DOCK7: variants seen among roughly 807,000 people sequenced by gnomAD.
DOCK7 encodes dedicator of cytokinesis 7.
In DOCK7, 138 loss-of-function variants were observed where a neutral mutation model predicts 271.0. That is an observed-to-expected ratio of 0.51 (90% CI 0.44 to 0.59). The LOEUF (loss-of-function observed/expected upper bound fraction) is 0.59, where lower values mean the gene tolerates loss of function less well. Among genes scored for constraint, DOCK7 ranks in the 20% least tolerant of loss-of-function variants. The pLI, the probability that DOCK7 is intolerant of heterozygous loss-of-function variation, is 0.00. For synonymous variants in DOCK7, 823 were observed against 876.1 expected, an observed-to-expected ratio of 0.94 and a Z score of 1.07; for missense variants, 2,066 against 2,592.4, an observed-to-expected ratio of 0.80 and a Z score of 4.41.
intron 14 of DOCK7, among the ~76,000 whole-genome samples, chr1:62,617,019 A>T (rs1312598097): frequency 6.6e-6 from 1 of 151,536 alleles, no homozygotes; most frequent in Admixed American, 6.6e-5. Context: ...CACACATCCT[A>T]TTTAAGAAAG....
chr1:62,551,256 G>A (rs556305387), intron 22 of DOCK7, among the ~76,000 whole-genome samples: 7 of 151,496 alleles, frequency 4.6e-5, no homozygotes, highest in African/African-American at 1.5e-4. Flanking sequence ...TTGCAGGGGT[G>A]TCCAATCTTT....
At chr1:62,496,169 G>C (rs1196751678) in intron 38 of DOCK7, among the ~76,000 whole-genome samples, 170 bp downstream of exon 38, 1 of 152,056 alleles carries the variant, frequency 6.6e-6, no homozygotes, top group Non-Finnish European at 1.5e-5. Context: ...CAAAAAGAAG[G>C]GTAGCTTAAT....
chr1:62,487,296 C>T, intron 43 of DOCK7, 102 bp downstream of exon 43: 2 of 1,138,064 alleles, frequency 1.8e-6, no homozygotes, highest in Non-Finnish European at 2.6e-6. Context: ...TAGCAGATAG[C>T]AACAGAATGC....
At chr1:62,464,567 G>A (rs1454574814) in intron 48 of DOCK7, among the ~76,000 whole-genome samples, 2 of 151,588 alleles carry the variant, frequency 1.3e-5, no homozygotes, top group Admixed American at 1.3e-4. Flanking sequence ...CTGCAATCCC[G>A]GCTACTTGGG....
chr1:62,643,545 T>C (rs1187809307), intron 7 of DOCK7, among the ~76,000 whole-genome samples: 2 of 152,240 alleles, frequency 1.3e-5, no homozygotes, highest in Non-Finnish European at 2.9e-5. Flanking sequence ...CCGCTTTTAA[T>C]ACAGTTTCTT....
At chr1:62,656,298 C>G (rs1222743021) in intron 2 of DOCK7, among the ~76,000 whole-genome samples, 1 of 151,874 alleles carries the variant, frequency 6.6e-6, no homozygotes, top group Non-Finnish European at 1.5e-5. Flanking sequence ...TTTTCTTACA[C>G]ATGAAAAAAG....
chr1:62,639,426 CTTTTTTTT>C lies in DOCK7; in HGVS notation c.819-2831_819-2824del, dbSNP rs386367151. Reference sequence around the variant, plus strand: ...AACTTAGTGCAAACTTTGTAATACTCTTTTTTTTTTTTTTTTTTTTTTTTTTGAGATGG... The same window carrying C: ...AACTTAGTGCAAACTTTGTAATACTCTTTTTTTTTTTTTTTTTTGAGATGG... On this transcript the variant is annotated intron_variant, in intron 7 of 49. Coordinates refer to ENST00000635253, the MANE Select transcript of DOCK7 (RefSeq NM_001367561.1). Among the ~76,000 whole-genome samples the C allele has an allele frequency of 3.0e-3, 229 of 75,854 alleles. 1 individual carries two copies. The highest frequency in any genetic ancestry group is 0.013 in the African/African-American group (214 of 16,998). 49.8% of individuals were successfully genotyped at this position (75,854 alleles called of 152,430 possible). A position where few individuals can be genotyped will look rare whatever the true frequency, so the allele number is the denominator to read the frequency against.
chr1:62,650,408 C>T (rs899615130), intron 4 of DOCK7, among the ~76,000 whole-genome samples: 6 of 152,064 alleles, frequency 3.9e-5, no homozygotes, highest in African/African-American at 1.4e-4. Flanking sequence ...TGTGCTGAAT[C>T]GTGGAAGAAT....
At chr1:62,511,628 A>G (rs1644486599) in intron 33 of DOCK7, among the ~76,000 whole-genome samples, 3 of 152,148 alleles carry the variant, frequency 2.0e-5, no homozygotes, top group Admixed American at 2.0e-4. Context: ...ATACTGAGAA[A>G]TAAGAATCAT....
intron 27 of DOCK7, among the ~76,000 whole-genome samples, chr1:62,539,067 C>T (rs528575092): frequency 3.9e-5 from 6 of 152,268 alleles, no homozygotes; most frequent in East Asian, 1.9e-4. Context: ...CTTTTAATTT[C>T]GTAAAGTCAA....
At chr1:62,587,922 A>G (rs1220564107) in intron 14 of DOCK7, among the ~76,000 whole-genome samples, 2 of 152,092 alleles carry the variant, frequency 1.3e-5, no homozygotes, top group African/African-American at 4.8e-5. Context: ...TTCTTTTTTT[A>G]TACTTTACAA....
rs565751459 is a variant in DOCK7 at position 62,455,478 on chromosome 1, ATAGT to A, written c.6381-26_6381-23del. 1,350 of 1,611,844 alleles carry A rather than the reference ATAGT, an allele frequency of 8.4e-4. 9 individuals are homozygous for A. The African/African-American group carries it at 0.011, about 13-fold the overall frequency. ...ATCTCTGGGAAAAAAATGAGAGGAC[ATAGT>A]TAGTTAAAGAGAACAATTTTTGCAT... On this transcript the variant is annotated intron_variant, in intron 49 of 49. Transcript: ENST00000635253.
intron 4 of DOCK7, among the ~76,000 whole-genome samples, chr1:62,651,624 T>G (rs1399897430): frequency 1.3e-5 from 2 of 151,974 alleles, no homozygotes; most frequent in East Asian, 3.9e-4. Context: ...AATACTTTTT[T>G]CACTAATCAA....
intron 18 of DOCK7, among the ~76,000 whole-genome samples, chr1:62,572,184 G>A (rs138848008): frequency 1.9e-3 from 286 of 152,204 alleles, no homozygotes; most frequent in African/African-American, 6.6e-3. Context: ...ACAAAAACTC[G>A]GGAAATAAGG....
chr1:62,622,760 C>T (rs530526194), intron 12 of DOCK7, among the ~76,000 whole-genome samples: 2 of 152,152 alleles, frequency 1.3e-5, no homozygotes, highest in South Asian at 2.1e-4. Context: ...GAAACCCTGT[C>T]TCTACTAAAA....
chr1:62,588,809 TACCTC>T (rs139701222), intron 14 of DOCK7, among the ~76,000 whole-genome samples: 2,033 of 152,288 alleles, frequency 0.013, 47 homozygotes, highest in African/African-American at 0.046. Context: ...GGTACGATCA[TACCTC>T]ACTGCAGCCT....
intron 14 of DOCK7, chr1:62,602,409 C>G (rs1215167855): frequency 6.3e-7 from 1 of 1,578,522 alleles, no homozygotes; most frequent in South Asian, 1.1e-5. Flanking sequence ...ATCATTCATT[C>G]ACTTGCTAAT....
At chr1:62,485,351 C>A in intron 43 of DOCK7, 1 of 985,350 alleles carries the variant, frequency 1.0e-6, no homozygotes, top group Non-Finnish European at 1.2e-6. Context: ...TTCACACACA[C>A]ACACACACAC....
intron 30 of DOCK7, among the ~76,000 whole-genome samples, chr1:62,529,064 A>G (rs1484832731): frequency 6.6e-6 from 1 of 152,188 alleles, no homozygotes; most frequent in Non-Finnish European, 1.5e-5. Context: ...CATTATTTTT[A>G]AATTCATCAT....
Sources: gnomAD v4.1 joint callset for allele counts (sites outside exome capture counted in the v4.1 genomes callset) on GRCh38, gnomAD v4.1.1 for gene constraint, MANE v1.5 for transcripts, NCBI Gene and HGNC (gene_info 2026-07-23, HGNC 2026-07-21) for gene names.